Variants in SIK2 observed in about 807,000 individuals in gnomAD.
SIK2 encodes salt inducible kinase 2.
SIK2 carries 29 observed loss-of-function variants against 103.2 expected under a neutral mutation model. That is an observed-to-expected ratio of 0.28 (90% CI 0.21 to 0.38). The LOEUF is 0.38. Among genes scored for constraint, SIK2 ranks in the 10% least tolerant of loss-of-function variants. The probability of loss-of-function intolerance (pLI) is 1.00; values close to 1 mark genes in which losing one functional copy is unlikely to be tolerated. For missense variants in SIK2, 879 were observed against 1,171.0 expected (o/e 0.75, Z 3.64); for synonymous variants, 412 against 446.1 (o/e 0.92, Z 0.96).
At chr11:111,671,056 C>T (rs1942619732) in intron 3 of SIK2, 1 of 160,714 alleles carries the variant, frequency 6.2e-6, no homozygotes, top group Non-Finnish European at 1.4e-5. Flanking sequence ...GCTGAAGGAG[C>T]CGGAACCCCC....
At position 111,726,316 on chromosome 11, in the gene SIK2, G is replaced by T. The variant is rs1943964624; in HGVS notation, c.*2187G>T. 6.6e-6 allele frequency: 1 copy of T among 152,274 alleles called. No individual in the cohort carries two copies. Among genetic ancestry groups the T allele is most frequent in the African/African-American group, 2.4e-5 (1 of 41,432 alleles). The allele number at this position is 152,274 out of a possible 1,614,324, so 9.4% of individuals were successfully genotyped here. A position where few individuals can be genotyped will look rare whatever the true frequency, so the allele number is the denominator to read the frequency against. ...TGAGCTGCTTAGCCCAGGAGACCTG[G>T]GAGCTATGGCAGGACGGTTAGGCCA... On this transcript the variant is annotated 3_prime_UTR_variant, in exon 15 of 15. Coordinates refer to ENST00000304987, the MANE Select transcript of SIK2 (RefSeq NM_015191.3).
intron 3 of SIK2, among the ~76,000 whole-genome samples, chr11:111,669,320 G>A (rs539725491): frequency 2.6e-5 from 4 of 152,250 alleles, no homozygotes; most frequent in East Asian, 3.9e-4. Flanking sequence ...AAGACTTGAC[G>A]TCAGAAAAAT....
Position 111,719,448 on chromosome 11 carries a change from A to T in SIK2, c.1267-327A>T, listed in dbSNP as rs35920485. ...CTCTTCATTTCCCTTATTTAAAAAAAAATAATAACTGGTAGTCCTCAAACT... is the reference window on the plus strand; with the variant it reads ...CTCTTCATTTCCCTTATTTAAAAAATAATAATAACTGGTAGTCCTCAAACT... On this transcript the variant is annotated intron_variant, in intron 9 of 14. Transcript: ENST00000304987. 7.8e-3 allele frequency among the ~76,000 whole-genome samples: 1,171 copies of T among 150,980 alleles called. 16 individuals are homozygous for T. The highest frequency in any genetic ancestry group is 0.012 in the Non-Finnish European group (832 of 67,872).
At chr11:111,613,287 G>C (rs1226379995) in intron 1 of SIK2, among the ~76,000 whole-genome samples, 1 of 151,938 alleles carries the variant, frequency 6.6e-6, no homozygotes, top group African/African-American at 2.4e-5. Context: ...ATCATGCTGG[G>C]TTTTTAAAAA....
At chr11:111,620,662 A>G (rs1241971864) in intron 3 of SIK2, among the ~76,000 whole-genome samples, 3 of 152,198 alleles carry the variant, frequency 2.0e-5, no homozygotes, top group Non-Finnish European at 4.4e-5. Context: ...GTCATATTGC[A>G]AAGGATATTT....
chr11:111,663,585 A>T (rs7938884), intron 3 of SIK2, among the ~76,000 whole-genome samples: 14 of 152,054 alleles, frequency 9.2e-5, no homozygotes, highest in Non-Finnish European at 2.9e-5. Context: ...TGTCATGGAA[A>T]GACTCATTTT....
At chr11:111,614,527 G>A (rs1373375496) in intron 1 of SIK2, among the ~76,000 whole-genome samples, 2 of 152,108 alleles carry the variant, frequency 1.3e-5, no homozygotes, top group Non-Finnish European at 2.9e-5. Flanking sequence ...AAAAGAAAAT[G>A]TTAAGAAAAT....
intron 3 of SIK2, among the ~76,000 whole-genome samples, chr11:111,642,509 G>A (rs1210322413): frequency 4.6e-5 from 7 of 152,122 alleles, no homozygotes; most frequent in Non-Finnish European, 7.4e-5. Context: ...TAGGGGGAGG[G>A]CAGAGCTTCC....
chr11:111,722,723 C>T lies in SIK2; in HGVS notation c.2114C>T (p.Pro705Leu), dbSNP rs748015077. 4.1e-5 allele frequency: 66 copies of T among 1,614,006 alleles called. No individual in the cohort carries two copies. Among genetic ancestry groups the T allele is most frequent in the Admixed American group, 1.7e-4 (10 of 60,004 alleles). ...NTCQLYCKEP[P>L]RSLEQQLQEH... The stretch of plus-strand genomic sequence containing the variant: ...TGTCAGCTTTATTGCAAAGAACCAC[C>T]GCGGAGCCTTGAGCAGCAGCTGCAG... Residue 705 changes from proline to leucine, a missense_variant, in exon 14 of 15, where the codon CCG becomes CTG. Physicochemically the swap from Pro to Leu is moderately conservative, Grantham distance 98. Transcript: ENST00000304987. The surrounding 1 kb of genome is among the most constrained non-coding windows in gnomAD (Gnocchi z 4.4).
intron 3 of SIK2, among the ~76,000 whole-genome samples, chr11:111,670,475 T>C (rs544278709): frequency 6.6e-6 from 1 of 152,274 alleles, no homozygotes; most frequent in South Asian, 2.1e-4. Flanking sequence ...GATCACTGGG[T>C]TTTTCCAGCT....
intron 3 of SIK2, among the ~76,000 whole-genome samples, chr11:111,640,968 T>G (rs1942175486): frequency 6.6e-6 from 1 of 152,088 alleles, no homozygotes. Context: ...AATATAGTAT[T>G]TGTAGGCATA....
chr11:111,713,414 C>T (rs189351682), intron 9 of SIK2, among the ~76,000 whole-genome samples: 1 of 152,284 alleles, frequency 6.6e-6, no homozygotes, highest in Admixed American at 6.5e-5. Context: ...CGTAACAAAA[C>T]TCTTTGAACC....
chr11:111,648,947 C>CA (rs1942293570), intron 3 of SIK2, among the ~76,000 whole-genome samples: 2 of 152,112 alleles, frequency 1.3e-5, no homozygotes, highest in Non-Finnish European at 2.9e-5. Flanking sequence ...GCAAGTGTGT[C>CA]TTATTGCTGC....
chr11:111,706,653 G>A (rs573997551), intron 8 of SIK2, among the ~76,000 whole-genome samples: 4 of 152,132 alleles, frequency 2.6e-5, no homozygotes, highest in South Asian at 2.1e-4. Flanking sequence ...TTTGTTATAC[G>A]TACTTTATAT....
intron 3 of SIK2, among the ~76,000 whole-genome samples, chr11:111,647,778 G>A (rs1942277155): frequency 6.6e-6 from 1 of 151,264 alleles, no homozygotes; most frequent in Non-Finnish European, 1.5e-5. Flanking sequence ...TGAGGCAGGA[G>A]AATGGCATGA....
intron 2 of SIK2, among the ~76,000 whole-genome samples, chr11:111,620,028 G>T (rs1941861555): frequency 6.6e-6 from 1 of 152,110 alleles, no homozygotes; most frequent in African/African-American, 2.4e-5. Context: ...AAATCACTTG[G>T]CAGTTTTGTT....
intron 3 of SIK2, among the ~76,000 whole-genome samples, chr11:111,624,764 G>A (rs1941939569): frequency 6.6e-6 from 1 of 152,196 alleles, no homozygotes; most frequent in African/African-American, 2.4e-5. Context: ...AGGCTGGTTG[G>A]TTGGGAGGCA....
At chr11:111,723,385 T>G in intron 14 of SIK2, 111 bp from the exon 15 acceptor site, 3 of 1,204,746 alleles carry the variant, frequency 2.5e-6, no homozygotes, top group Non-Finnish European at 3.5e-6. Context: ...TTTGCTGACA[T>G]GAGAGAGACT....
intron 8 of SIK2, among the ~76,000 whole-genome samples, chr11:111,708,395 TA>T (rs1024830887): frequency 6.6e-6 from 1 of 150,858 alleles, no homozygotes; most frequent in African/African-American, 2.4e-5. Context: ...AAGTAAAACA[TA>T]AAAAAAAATA....
Sources: gnomAD v4.1 joint callset for allele counts (sites outside exome capture counted in the v4.1 genomes callset) on GRCh38, gnomAD v4.1.1 for gene constraint, Gnocchi (gnomAD v3.1) non-coding constraint, MANE v1.5 for transcripts, NCBI Gene and HGNC (gene_info 2026-07-23, HGNC 2026-07-21) for gene names.